The following ZFAT variants were observed in gnomAD, a reference collection of about 807,000 sequenced individuals.
ZFAT encodes the protein zinc finger and AT-hook domain containing, also known as zinc finger protein ZFAT.
A neutral mutation model predicts 117.7 loss-of-function variants in ZFAT; 64 were observed. The ratio of observed to expected loss-of-function variants is 0.54; its 90% CI spans 0.44 to 0.67. ZFAT has a LOEUF of 0.67. Among genes scored for constraint, ZFAT ranks in the 30% least tolerant of loss-of-function variants. The pLI, the probability that ZFAT is intolerant of heterozygous loss-of-function variation, is 0.00. For synonymous variants in ZFAT, 679 were observed against 615.0 expected, an observed-to-expected ratio of 1.10 and a Z score of -1.54; for missense variants, 1,433 against 1,584.5, an observed-to-expected ratio of 0.90 and a Z score of 1.62.
chr8:134,578,357 G>A (rs1432034242), intron 10 of ZFAT, among the ~76,000 whole-genome samples: 1 of 147,874 alleles, frequency 6.8e-6, no homozygotes, highest in Non-Finnish European at 1.5e-5. Context: ...GTTGCAGTGA[G>A]CCGAGATGGC....
At chr8:134,680,627 C>A (rs1159510093) in intron 1 of ZFAT, among the ~76,000 whole-genome samples, 1 of 152,098 alleles carries the variant, frequency 6.6e-6, no homozygotes, top group Non-Finnish European at 1.5e-5. Context: ...AAAATGGATT[C>A]AAACTATACA....
At chr8:134,508,584 C>T (rs1490176608) in intron 15 of ZFAT, among the ~76,000 whole-genome samples, 2 of 152,210 alleles carry the variant, frequency 1.3e-5, no homozygotes, top group Non-Finnish European at 2.9e-5. Flanking sequence ...AACCCACACT[C>T]CTGGACCCCA....
At chr8:134,688,611 G>C (rs941590848) in intron 1 of ZFAT, among the ~76,000 whole-genome samples, 3 of 152,164 alleles carry the variant, frequency 2.0e-5, no homozygotes, top group Non-Finnish European at 4.4e-5. Context: ...AGCCACAGCA[G>C]GTGCTTGGAG....
intron 9 of ZFAT, 103 bp from the exon 10 acceptor site, chr8:134,584,108 A>G (rs1825898725): frequency 6.5e-6 from 8 of 1,230,048 alleles, no homozygotes; most frequent in Non-Finnish European, 8.9e-6. Context: ...ACACTTATAG[A>G]TATGTATATA....
chr8:134,531,600 C>G (rs886923282), intron 12 of ZFAT, among the ~76,000 whole-genome samples: 26 of 152,302 alleles, frequency 1.7e-4, no homozygotes, highest in Middle Eastern at 6.8e-3. Context: ...GGGTAACATG[C>G]CCAAGATGGC....
At chr8:134,630,934 C>T (rs1336304829) in intron 3 of ZFAT, among the ~76,000 whole-genome samples, 2 of 152,188 alleles carry the variant, frequency 1.3e-5, no homozygotes, top group African/African-American at 4.8e-5. Flanking sequence ...AAAACAATTA[C>T]TCGAGAATTT....
rs1204610421 is a variant in ZFAT at position 134,563,796 on chromosome 8, T to C, written c.2976+1537A>G. On this transcript the variant is annotated intron_variant, in intron 11 of 15. Transcript: ENST00000377838. ...AACACAAGCTAGCAGTGTGCTGGTGTAGGGTCGCCCAGCTCCCCAGTGCTT... is the reference window on the plus strand; with the variant it reads ...AACACAAGCTAGCAGTGTGCTGGTGCAGGGTCGCCCAGCTCCCCAGTGCTT... Among the ~76,000 whole-genome samples, 3 of 152,196 alleles carry C rather than the reference T, an allele frequency of 2.0e-5. No homozygotes were observed. The East Asian group carries it at 5.8e-4, about 29-fold the overall frequency.
At chr8:134,745,791 G>C in the ZFAT span, among the ~76,000 whole-genome samples, 463 of 152,300 alleles carry the variant, frequency 3.0e-3, 2 homozygotes, top group African/African-American at 0.011. Flanking sequence ...AAAACATCCT[G>C]TGAGATGAGT....
chr8:134,579,130 C>T (rs1217496073), intron 10 of ZFAT, among the ~76,000 whole-genome samples: 1 of 152,162 alleles, frequency 6.6e-6, no homozygotes, highest in Non-Finnish European at 1.5e-5. Context: ...TAATGTTGAG[C>T]ACGCTAAGCT....
At chr8:134,611,860 G>C (rs17770304) in intron 3 of ZFAT, among the ~76,000 whole-genome samples, 1 of 151,992 alleles carries the variant, frequency 6.6e-6, no homozygotes, top group African/African-American at 2.4e-5. Context: ...CAAAGTCAAC[G>C]GGTTCAAAAA....
At chr8:134,765,439 T>A in the ZFAT span, 1 of 152,150 alleles carries the variant, frequency 6.6e-6, no homozygotes, top group Non-Finnish European at 1.5e-5. Flanking sequence ...GCAAACCCTA[T>A]TTTGGCTAAC....
chr8:134,682,274 A>G (rs1433008128), intron 1 of ZFAT, among the ~76,000 whole-genome samples: 1 of 152,226 alleles, frequency 6.6e-6, no homozygotes, highest in Non-Finnish European at 1.5e-5. Context: ...ATACCACTAA[A>G]AAAGATAAAA....
intron 12 of ZFAT, among the ~76,000 whole-genome samples, chr8:134,529,334 C>A (rs534609917): frequency 6.6e-6 from 1 of 152,306 alleles, no homozygotes; most frequent in African/African-American, 2.4e-5. Context: ...ATTTACTGAA[C>A]CAGTTCTTGA....
In ZFAT at chr8:134,565,485, G is replaced by T. The variant is rs781404627; in HGVS notation, c.2888-64C>A. On this transcript the variant is annotated intron_variant, in intron 10 of 15. Transcript: ENST00000377838. ...CAACAGCTCCCACTGTGAATGAAGT[G>T]CCAGGCATGGAGCCAGGTACACAAA... 2.7e-6 allele frequency: 4 copies of T among 1,471,392 alleles called. No individual in the cohort carries two copies. The East Asian group carries it at 9.0e-5, about 33-fold the overall frequency. The allele number at this position is 1,471,392 out of a possible 1,614,324, so 91.1% of individuals were successfully genotyped here. A position where few individuals can be genotyped will look rare whatever the true frequency, so the allele number is the denominator to read the frequency against.
chr8:134,748,454 G>C, the ZFAT span, among the ~76,000 whole-genome samples: 1 of 151,934 alleles, frequency 6.6e-6, no homozygotes, highest in African/African-American at 2.4e-5. Flanking sequence ...GATTTGATTT[G>C]CTTATTTTCC....
the ZFAT span, among the ~76,000 whole-genome samples, chr8:134,750,757 C>A: frequency 6.6e-6 from 1 of 152,066 alleles, no homozygotes; most frequent in Non-Finnish European, 1.5e-5. Flanking sequence ...CAGAGCGAGA[C>A]CCTGTCTCAA....
chr8:134,773,863 T>C, the ZFAT span, among the ~76,000 whole-genome samples: 20 of 152,212 alleles, frequency 1.3e-4, no homozygotes, highest in South Asian at 4.2e-3. Context: ...ACAAAGAAAG[T>C]GATTTCCCGA....
chr8:134,565,266 A>G (rs1824354253), intron 11 of ZFAT, 67 bp downstream of exon 11: 2 of 1,606,392 alleles, frequency 1.2e-6, no homozygotes, highest in Non-Finnish European at 1.7e-6. Flanking sequence ...TGCTCTCTCC[A>G]TCTTCACTTT....
the ZFAT span, among the ~76,000 whole-genome samples, chr8:134,735,472 C>T: frequency 6.6e-6 from 1 of 152,146 alleles, no homozygotes; most frequent in African/African-American, 2.4e-5. Context: ...TACAAAAATT[C>T]AAAATGAAGG....
Sources: allele counts gnomAD v4.1 joint callset (sites outside exome capture counted in the v4.1 genomes callset), GRCh38; gene constraint gnomAD v4.1.1; transcripts MANE v1.5; gene names NCBI Gene and HGNC (gene_info 2026-07-23, HGNC 2026-07-21).